Variants in ASTN2 observed in about 807,000 individuals in gnomAD.
ASTN2 encodes astrotactin 2, also known as astrotactin-2.
A neutral mutation model predicts 139.8 loss-of-function variants in ASTN2; 54 were observed. That is an observed-to-expected ratio of 0.39 (90% CI 0.31 to 0.48). ASTN2 has a LOEUF of 0.48. Ranked by LOEUF, ASTN2 falls within the 20% of genes least tolerant of loss-of-function variation. ASTN2 has a pLI of 0.95. For synonymous variants in ASTN2, 756 were observed against 719.5 expected, an observed-to-expected ratio of 1.05 and a Z score of -0.81; for missense variants, 1,565 against 1,725.1, an observed-to-expected ratio of 0.91 and a Z score of 1.64.
intron 1 of ASTN2, among the ~76,000 whole-genome samples, chr9:117,360,350 T>C (rs1166871216): frequency 6.6e-6 from 1 of 151,960 alleles, no homozygotes; most frequent in African/African-American, 2.4e-5. Context: ...CCAGGGAATA[T>C]GGGAGTATAC....
At chr9:116,602,091 G>T (rs557828589) in intron 19 of ASTN2, among the ~76,000 whole-genome samples, 1 of 152,184 alleles carries the variant, frequency 6.6e-6, no homozygotes, top group Non-Finnish European at 1.5e-5. Context: ...CCTGTAGAAT[G>T]CATAGAGATA....
chr9:117,378,599 G>T (rs1464045991), intron 1 of ASTN2, among the ~76,000 whole-genome samples: 2 of 152,132 alleles, frequency 1.3e-5, no homozygotes, highest in African/African-American at 4.8e-5. Flanking sequence ...GGAAAAGGTG[G>T]GAGAAAACCA....
intron 4 of ASTN2, among the ~76,000 whole-genome samples, chr9:117,116,037 C>CATATATATATATATATAT (rs113795526): frequency 2.1e-4 from 30 of 140,464 alleles, no homozygotes; most frequent in Non-Finnish European, 3.1e-4. Flanking sequence ...AAAAAAAATG[C>CATATATATATATATATAT]ATATATATAT....
At chr9:117,255,713 T>C (rs1442357818) in intron 2 of ASTN2, among the ~76,000 whole-genome samples, 2 of 152,122 alleles carry the variant, frequency 1.3e-5, no homozygotes, top group African/African-American at 4.8e-5. Context: ...AGGAGACATA[T>C]TTGGCTGGAA....
At chr9:116,768,246 A>AT (rs33942893) in intron 13 of ASTN2, among the ~76,000 whole-genome samples, 110,776 of 151,852 alleles carry the variant, frequency 0.73, 41,047 homozygotes, top group East Asian at 0.82. Context: ...GCTTTTTGCC[A>AT]TATTTATTCC....
intron 11 of ASTN2, among the ~76,000 whole-genome samples, chr9:116,832,321 T>C (rs1342726383): frequency 6.6e-6 from 1 of 152,166 alleles, no homozygotes; most frequent in Non-Finnish European, 1.5e-5. Flanking sequence ...TCTTCCTTTC[T>C]TATCTGAATG....
intron 16 of ASTN2, among the ~76,000 whole-genome samples, chr9:116,681,889 GACTTAA>G (rs1859895021): frequency 6.6e-6 from 1 of 150,582 alleles, no homozygotes. Context: ...ATGGATTAAA[GACTTAA>G]ACGTTAGACC....
intron 2 of ASTN2, among the ~76,000 whole-genome samples, chr9:117,236,264 A>C (rs1833041900): frequency 6.6e-6 from 1 of 152,174 alleles, no homozygotes; most frequent in African/African-American, 2.4e-5. Flanking sequence ...ATAATACACA[A>C]AAATTCTGAG....
At chr9:116,450,249 A>G (rs887341429) in intron 20 of ASTN2, among the ~76,000 whole-genome samples, 3 of 152,208 alleles carry the variant, frequency 2.0e-5, no homozygotes, top group Admixed American at 2.0e-4. Context: ...CAATGGCAGA[A>G]TCACGTAATT....
chr9:117,063,719 C>T (rs543620833), intron 5 of ASTN2, among the ~76,000 whole-genome samples: 63 of 152,284 alleles, frequency 4.1e-4, no homozygotes, highest in African/African-American at 1.4e-3. Flanking sequence ...CCTGGGAACA[C>T]TGCCCTTGAG....
intron 6 of ASTN2, among the ~76,000 whole-genome samples, chr9:117,019,449 G>A (rs778363518): frequency 6.6e-6 from 1 of 152,080 alleles, no homozygotes; most frequent in African/African-American, 2.4e-5. Flanking sequence ...GAGAACAGCT[G>A]CCTAAATATA....
chr9:116,733,641 G>T, intron 13 of ASTN2, 118 bp from the exon 14 acceptor site: 1 of 1,328,016 alleles, frequency 7.5e-7, no homozygotes, highest in Non-Finnish European at 1.0e-6. Flanking sequence ...TGACTTTGCT[G>T]TAATGCCTCT....
chr9:116,952,375 C>T (rs535743155), intron 10 of ASTN2, among the ~76,000 whole-genome samples: 2 of 152,268 alleles, frequency 1.3e-5, no homozygotes, highest in African/African-American at 4.8e-5. Context: ...AATGCATTTG[C>T]TATTGTTGAT....
At chr9:117,047,791 A>AC (rs1838787472) in intron 5 of ASTN2, among the ~76,000 whole-genome samples, 1 of 152,090 alleles carries the variant, frequency 6.6e-6, no homozygotes, top group African/African-American at 2.4e-5. Context: ...TGTACTTTGT[A>AC]TAGATTTGTT....
At chr9:117,278,439 A>C (rs1341703810) in intron 2 of ASTN2, among the ~76,000 whole-genome samples, 1 of 152,208 alleles carries the variant, frequency 6.6e-6, no homozygotes, top group Non-Finnish European at 1.5e-5. Context: ...CCCAGTGAAA[A>C]TATTGATTCT....
rs1554753864 is a variant in ASTN2 at position 116,847,020 on chromosome 9, A to AAC, written c.2040+16562_2040+16563insGT. Reference sequence around the variant, plus strand: ...TAGCTTCATTCTCAAAAAAAAAAAAAAAAAAACAAAAAACAAAAAACAAAA... The same window carrying AAC: ...TAGCTTCATTCTCAAAAAAAAAAAAAACAAAAAACAAAAAACAAAAAACAAAA... On this transcript the variant is annotated intron_variant, in intron 11 of 22. Transcript: ENST00000313400. 7.3e-3 allele frequency among the ~76,000 whole-genome samples: 981 copies of AAC among 134,914 alleles called. 3 individuals carry two copies. The highest frequency in any genetic ancestry group is 0.011 in the South Asian group (47 of 4,130). The allele number at this position is 134,914 out of a possible 152,430, so 88.5% of individuals were successfully genotyped here.
At chr9:116,873,932 C>T (rs996187293) in intron 10 of ASTN2, among the ~76,000 whole-genome samples, 3 of 152,306 alleles carry the variant, frequency 2.0e-5, no homozygotes, top group East Asian at 3.9e-4. Flanking sequence ...GCTTCCTGTA[C>T]AGACTGTGGA....
chr9:116,649,068 T>C (rs1412808754), intron 17 of ASTN2, among the ~76,000 whole-genome samples: 1 of 152,014 alleles, frequency 6.6e-6, no homozygotes, highest in African/African-American at 2.4e-5. Flanking sequence ...GCTAGGAACT[T>C]GAGTACTTAC....
At position 117,414,806 on chromosome 9, in the gene ASTN2, G is replaced by A. The variant is rs1254816445; in HGVS notation, c.133C>T (p.Pro45Ser). The A allele has an allele frequency of 3.3e-6, 4 of 1,228,180 alleles. No individual in the cohort carries two copies. Among genetic ancestry groups the A allele is most frequent in the Non-Finnish European group, 4.1e-6 (4 of 984,736 alleles). 76.1% of individuals were successfully genotyped at this position (1,228,180 alleles called of 1,614,324 possible). Residue 45 changes from proline to serine, a missense_variant, in exon 1 of 23, where the codon CCG becomes TCG. Transcript: ENST00000313400. This position sits in a 1 kb window ranked among gnomAD's most constrained non-coding sequence, Gnocchi z 4.2. ...LLLFLLLLPP[P>S]PLLAGATAAA... ...GCGGTGGCGCCGGCCAGCAGCGGCG[G>A]CGGCGGCAGCAGGAGCAGGAACAGC...
Sources: allele counts gnomAD v4.1 joint callset (sites outside exome capture counted in the v4.1 genomes callset), GRCh38; gene constraint gnomAD v4.1.1; non-coding constraint Gnocchi (gnomAD v3.1); transcripts MANE v1.5; gene names NCBI Gene and HGNC (gene_info 2026-07-23, HGNC 2026-07-21).